The following GABRA2 variants were observed in gnomAD, a reference collection of about 807,000 sequenced individuals.
The protein encoded by GABRA2 is gamma-aminobutyric acid type A receptor subunit alpha2, also known as gamma-aminobutyric acid receptor subunit alpha-2.
Under a neutral mutation model 48.7 loss-of-function variants are expected in GABRA2, and 16 were observed. The observed-to-expected ratio is 0.33, with a 90% confidence interval of 0.22 to 0.50. GABRA2 has a LOEUF of 0.50. GABRA2 is among the 20% of genes least tolerant of loss of function. GABRA2 has a pLI of 0.98. For synonymous variants in GABRA2, 185 were observed against 184.5 expected (o/e 1.00, Z -0.02); for missense variants, 275 against 535.6 (o/e 0.51, Z 4.80).
At chr4:46,331,713 C>G (rs1184058145) in intron 4 of GABRA2, among the ~76,000 whole-genome samples, 27 of 152,190 alleles carry the variant, frequency 1.8e-4, no homozygotes. Flanking sequence ...CCTCACTTAT[C>G]TATCTCATTT....
intron 8 of GABRA2, among the ~76,000 whole-genome samples, chr4:46,292,184 T>C (rs1723796364): frequency 6.6e-6 from 1 of 152,106 alleles, no homozygotes; most frequent in Admixed American, 6.6e-5. Context: ...CTAAGTTCAC[T>C]GGACAAAGTG....
At chr4:46,299,366 AGTTCTTTCT>A (rs1390052018) in intron 8 of GABRA2, among the ~76,000 whole-genome samples, 62 of 151,804 alleles carry the variant, frequency 4.1e-4, no homozygotes, top group Admixed American at 7.2e-4. Flanking sequence ...GTGTTTGTTT[AGTTCTTTCT>A]AAAATTTTCC....
chr4:46,333,979 G>A (rs942667973), intron 3 of GABRA2, among the ~76,000 whole-genome samples: 10 of 152,198 alleles, frequency 6.6e-5, no homozygotes, highest in South Asian at 4.1e-4. Context: ...AGAATACTCC[G>A]TGCCAAAGGC....
In GABRA2 at chr4:46,300,532, T is replaced by A. The variant is rs1725558138; in HGVS notation, c.856+2928A>T. ...GTTCTATCATCTTGTCACTTACGAT[T>A]GTCATATTTATCAATAGTTTCTTCT... On this transcript the variant is annotated intron_variant, in intron 8 of 9. Transcript: ENST00000381620. Among the ~76,000 whole-genome samples the A allele has an allele frequency of 2.0e-5, 3 of 152,046 alleles. No homozygotes were observed. In the South Asian group the frequency reaches 6.2e-4, roughly 31 times the overall value.
intron 8 of GABRA2, among the ~76,000 whole-genome samples, chr4:46,289,387 C>T (rs189571142): frequency 3.3e-5 from 5 of 152,256 alleles, no homozygotes; most frequent in African/African-American, 7.2e-5. Flanking sequence ...AATGAGATCA[C>T]GTCCTTTGCA....
chr4:46,376,037 A>G (rs1334168082), intron 3 of GABRA2, among the ~76,000 whole-genome samples: 1 of 152,208 alleles, frequency 6.6e-6, no homozygotes, highest in Non-Finnish European at 1.5e-5. Context: ...TTTGAGAATG[A>G]CAGTGTACAT....
chr4:46,252,979 A>G (rs1435237949), intron 9 of GABRA2, among the ~76,000 whole-genome samples: 1 of 151,432 alleles, frequency 6.6e-6, no homozygotes, highest in East Asian at 2.0e-4. Context: ...AATCATAACT[A>G]TTACAAGCCA....
chr4:46,256,007 C>A (rs972579373), intron 9 of GABRA2, among the ~76,000 whole-genome samples: 1 of 151,444 alleles, frequency 6.6e-6, no homozygotes, highest in Non-Finnish European at 1.5e-5. Flanking sequence ...ATATAATAGG[C>A]TTTGGAGAAA....
chr4:46,332,074 G>A (rs1193193443), intron 4 of GABRA2, among the ~76,000 whole-genome samples: 1 of 152,022 alleles, frequency 6.6e-6, no homozygotes, highest in East Asian at 1.9e-4. Flanking sequence ...GAATCCAAGA[G>A]TACCAACATT....
chr4:46,329,451 T>A (rs1355813627), intron 4 of GABRA2, among the ~76,000 whole-genome samples: 1 of 152,098 alleles, frequency 6.6e-6, no homozygotes, highest in Non-Finnish European at 1.5e-5. Context: ...TGGACCAGCT[T>A]CAGCATATAC....
At chr4:46,351,353 G>A (rs1578141167) in intron 3 of GABRA2, among the ~76,000 whole-genome samples, 1 of 151,974 alleles carries the variant, frequency 6.6e-6, no homozygotes, top group Non-Finnish European at 1.5e-5. Flanking sequence ...TTAAGCTAAT[G>A]ATTGAATGTT....
In GABRA2 at chr4:46,287,389, A is replaced by T. The variant is rs185861321; in HGVS notation, c.856+16071T>A. 3.0e-3 allele frequency among the ~76,000 whole-genome samples: 458 copies of T among 152,164 alleles called. 1 individual carries two copies. The highest frequency in any genetic ancestry group is 4.9e-3 in the Non-Finnish European group (334 of 67,990). On this transcript the variant is annotated intron_variant, in intron 8 of 9. Transcript: ENST00000381620. Reference sequence around the variant, plus strand: ...CCATGCTCATGGATAAGAATGTCCAACAATGATTGACTGGATTAAGAAAAT... The same window carrying T: ...CCATGCTCATGGATAAGAATGTCCATCAATGATTGACTGGATTAAGAAAAT...
chr4:46,260,104 C>A (rs774651986), intron 9 of GABRA2, among the ~76,000 whole-genome samples: 5 of 151,742 alleles, frequency 3.3e-5, no homozygotes, highest in African/African-American at 9.7e-5. Flanking sequence ...GATTTAAGAT[C>A]ACAAACTCAT....
intron 9 of GABRA2, among the ~76,000 whole-genome samples, chr4:46,254,763 A>C (rs1715474173): frequency 1.3e-5 from 2 of 151,500 alleles, no homozygotes; most frequent in Admixed American, 1.3e-4. Flanking sequence ...TTAACCACTA[A>C]ATTTCACTAG....
At chr4:46,302,220 C>T (rs1052563805) in intron 8 of GABRA2, among the ~76,000 whole-genome samples, 7 of 152,050 alleles carry the variant, frequency 4.6e-5, no homozygotes, top group African/African-American at 1.7e-4. Context: ...AGGTGTGCCA[C>T]CAAGCTTGGC....
At chr4:46,374,296 T>A (rs1192993644) in intron 3 of GABRA2, among the ~76,000 whole-genome samples, 1 of 152,178 alleles carries the variant, frequency 6.6e-6, no homozygotes, top group African/African-American at 2.4e-5. Flanking sequence ...CCATGACATT[T>A]GTCTTCCTCC....
intron 3 of GABRA2, among the ~76,000 whole-genome samples, chr4:46,369,754 T>A (rs1225162549): frequency 6.6e-6 from 1 of 152,114 alleles, no homozygotes; most frequent in African/African-American, 2.4e-5. Context: ...AGGTCTTAGA[T>A]TCCAATAGAT....
intron 3 of GABRA2, among the ~76,000 whole-genome samples, chr4:46,353,590 C>G (rs1301501363): frequency 6.6e-6 from 1 of 152,124 alleles, no homozygotes; most frequent in Non-Finnish European, 1.5e-5. Context: ...TGCCTCCTTT[C>G]TCTGGGCATA....
chr4:46,320,403 C>T (rs1729255703), intron 4 of GABRA2, among the ~76,000 whole-genome samples: 1 of 151,746 alleles, frequency 6.6e-6, no homozygotes, highest in African/African-American at 2.4e-5. Flanking sequence ...ACTCCAAAAG[C>T]TCAGGCAACA....
Sources: gnomAD v4.1 joint callset for allele counts (sites outside exome capture counted in the v4.1 genomes callset) on GRCh38, gnomAD v4.1.1 for gene constraint, MANE v1.5 for transcripts, NCBI Gene and HGNC (gene_info 2026-07-23, HGNC 2026-07-21) for gene names.